SLC5A11: variants seen among roughly 807,000 people sequenced by gnomAD.
The protein encoded by SLC5A11 is solute carrier family 5 member 11.
Under a neutral mutation model 69.8 loss-of-function variants are expected in SLC5A11, and 48 were observed. The ratio of observed to expected loss-of-function variants is 0.69; its 90% CI spans 0.55 to 0.87. SLC5A11 has a LOEUF of 0.87. Ranked by LOEUF, SLC5A11 falls within the 40% of genes least tolerant of loss-of-function variation. The pLI is 0.00. For synonymous variants in SLC5A11, 319 were observed against 342.4 expected, an observed-to-expected ratio of 0.93 and a Z score of 0.75; for missense variants, 784 against 866.1, an observed-to-expected ratio of 0.91 and a Z score of 1.19.
rs1597220800 is a variant in SLC5A11 at position 24,893,115 on chromosome 16, A to G, written c.870+2041A>G. ...GCAAAACCCTGTCTCTACTAAAAAT[A>G]CAAAAAAAAAAAAAAAAAAAAAAAA... On this transcript the variant is annotated intron_variant, in intron 9 of 15. Coordinates refer to ENST00000347898, the Ensembl canonical transcript of SLC5A11. Among the ~76,000 whole-genome samples the G allele has an allele frequency of 2.9e-5, 3 of 104,704 alleles. No homozygotes were observed. In the South Asian group the frequency reaches 8.9e-4, roughly 31 times the overall value. 68.7% of individuals were successfully genotyped at this position (104,704 alleles called of 152,430 possible).
chr16:24,861,669 AAAGGAAGG>A (rs149331037), intron 2 of SLC5A11, among the ~76,000 whole-genome samples: 6 of 145,658 alleles, frequency 4.1e-5, no homozygotes, highest in South Asian at 2.3e-4. Flanking sequence ...AAAAAGAAAG[AAAGGAAGG>A]AAGGGAGGGA....
intron 1 of SLC5A11, among the ~76,000 whole-genome samples, chr16:24,847,630 A>G (rs1381479883): frequency 6.6e-6 from 1 of 152,188 alleles, no homozygotes; most frequent in East Asian, 1.9e-4. Context: ...TGCTGGGATT[A>G]CAGGCATGAG....
At chr16:24,881,377 C>G (rs2048034134) in intron 7 of SLC5A11, among the ~76,000 whole-genome samples, 2 of 152,196 alleles carry the variant, frequency 1.3e-5, no homozygotes, top group Middle Eastern at 3.4e-3. Context: ...ACCTCCATCT[C>G]CCAGGTTCAA....
intron 3 of SLC5A11, among the ~76,000 whole-genome samples, chr16:24,868,874 C>CTT (rs112705793): frequency 3.7e-5 from 5 of 136,912 alleles, no homozygotes; most frequent in South Asian, 2.4e-4. Context: ...CTGGATCTGC[C>CTT]TTTTTTTTTT....
At chr16:24,893,149 G>A (rs2048930405) in intron 9 of SLC5A11, among the ~76,000 whole-genome samples, 2 of 147,104 alleles carry the variant, frequency 1.4e-5, no homozygotes, top group East Asian at 2.0e-4. Flanking sequence ...AAAGCCAGGT[G>A]TGGTGGCAGG....
At chr16:24,895,657 G>A (rs1018330459) in intron 9 of SLC5A11, among the ~76,000 whole-genome samples, 7 of 151,970 alleles carry the variant, frequency 4.6e-5, no homozygotes, top group African/African-American at 1.5e-4. Flanking sequence ...GCTTGTGACC[G>A]GAGCTTTTTT....
intron 3 of SLC5A11, 74 bp from the exon 5 acceptor site, chr16:24,869,827 T>G: frequency 9.6e-7 from 1 of 1,045,212 alleles, no homozygotes; most frequent in Non-Finnish European, 1.5e-6. Flanking sequence ...CTTTGGAGCA[T>G]GGAAATAATT....
At position 24,861,726 on chromosome 16, in the gene SLC5A11, GAAGAAAGAAAAAGA is replaced by G. The variant is rs977602463; in HGVS notation, c.136-859_136-846del. On this transcript the variant is annotated intron_variant, in intron 2 of 15. Transcript: ENST00000347898. ...GGAAAAGGAAGGGAAGGGGCAGGCAGAAGAAAGAAAAAGAAAGAAAGAAAAAGAAGGAAAGAAAG... is the reference window on the plus strand; with the variant it reads ...GGAAAAGGAAGGGAAGGGGCAGGCAGAAGAAAGAAAAAGAAGGAAAGAAAG... 1.2e-4 allele frequency among the ~76,000 whole-genome samples: 13 copies of G among 110,948 alleles called. No homozygotes were observed. The East Asian group carries it at 2.3e-3, about 19-fold the overall frequency. The allele number at this position is 110,948 out of a possible 152,430, so 72.8% of individuals were successfully genotyped here.
chr16:24,857,465 T>A (rs1402663714), intron 1 of SLC5A11, among the ~76,000 whole-genome samples: 3 of 152,206 alleles, frequency 2.0e-5, no homozygotes, highest in African/African-American at 7.2e-5. Flanking sequence ...GGTTAGAAGT[T>A]CTAAATGGGT....
chr16:24,873,319 C>T (rs1170835269), intron 5 of SLC5A11, among the ~76,000 whole-genome samples: 1 of 147,840 alleles, frequency 6.8e-6, no homozygotes, highest in African/African-American at 2.5e-5. Flanking sequence ...ATATAATGTA[C>T]CCTGCAAGCC....
intron 10 of SLC5A11, among the ~76,000 whole-genome samples, chr16:24,903,122 G>C (rs759799521): frequency 6.6e-5 from 10 of 151,724 alleles, no homozygotes; most frequent in Non-Finnish European, 1.3e-4. Context: ...CTGGGAACTT[G>C]TTAGAAGTGC....
At chr16:24,875,338 C>G (rs8051408) in intron 5 of SLC5A11, among the ~76,000 whole-genome samples, 1 of 151,888 alleles carries the variant, frequency 6.6e-6, no homozygotes, top group African/African-American at 2.4e-5. Context: ...GCGCCTGTCA[C>G]CACGCATGAC....
At position 24,889,442 on chromosome 16, in the gene SLC5A11, A is replaced by G. The variant is rs190937132; in HGVS notation, c.665-1427A>G. The stretch of plus-strand genomic sequence containing the variant: ...GGTTACAGTGAGCTATGATTGTAGC[A>G]CTACACTCCAGCCTGGGTGACAGAG... On this transcript the variant is annotated intron_variant, in intron 8 of 15. Coordinates refer to ENST00000347898, the Ensembl canonical transcript of SLC5A11. Among the ~76,000 whole-genome samples the G allele has an allele frequency of 2.6e-5, 4 of 152,092 alleles. No homozygotes were observed. In the East Asian group the frequency reaches 7.7e-4, roughly 29 times the overall value.
At chr16:24,895,754 G>A (rs1241138472) in intron 9 of SLC5A11, among the ~76,000 whole-genome samples, 3 of 152,128 alleles carry the variant, frequency 2.0e-5, no homozygotes, top group Admixed American at 1.3e-4. Flanking sequence ...TTGTGTCACT[G>A]CTAATGCAGT....
At position 24,881,272 on chromosome 16, in the gene SLC5A11, TTTGA is replaced by T. The variant is rs897819147; in HGVS notation, c.584-2775_584-2772del. ...TCATTGTGGTAGTGATTTGTTTTTG[TTTGA>T]TTGTTTGTTTGTTTGTTTTTCTTTT... On this transcript the variant is annotated intron_variant, in intron 7 of 15. Coordinates refer to ENST00000347898, the Ensembl canonical transcript of SLC5A11. Among the ~76,000 whole-genome samples, 361 of 151,970 alleles carry T rather than the reference TTTGA, an allele frequency of 2.4e-3. 4 individuals carry two copies. Among genetic ancestry groups the T allele is most frequent in the African/African-American group, 8.3e-3 (343 of 41,494 alleles).
At chr16:24,901,298 A>T (rs565981319) in intron 10 of SLC5A11, among the ~76,000 whole-genome samples, 3 of 152,162 alleles carry the variant, frequency 2.0e-5, no homozygotes, top group African/African-American at 7.2e-5. Context: ...CATCTTACAG[A>T]TGAGGAAATT....
intron 10 of SLC5A11, among the ~76,000 whole-genome samples, chr16:24,902,967 CAAGCAAGAG>C (rs2049756584): frequency 6.6e-6 from 1 of 152,152 alleles, no homozygotes; most frequent in Non-Finnish European, 1.5e-5. Flanking sequence ...TCATATGATA[CAAGCAAGAG>C]GTGCAAAATA....
chr16:24,904,407 G>T (rs2049866348), intron 10 of SLC5A11, among the ~76,000 whole-genome samples: 1 of 152,132 alleles, frequency 6.6e-6, no homozygotes, highest in Non-Finnish European at 1.5e-5. Context: ...ATCTTCACCA[G>T]CATTTATTAT....
chr16:24,890,735 T>G, intron 8 of SLC5A11, 134 bp from the exon 10 acceptor site: 1 of 771,996 alleles, frequency 1.3e-6, no homozygotes, highest in Non-Finnish European at 2.2e-6. Flanking sequence ...GGGAGGAGGT[T>G]AAGAACCCTT....
Sources: allele counts gnomAD v4.1 joint callset (sites outside exome capture counted in the v4.1 genomes callset), GRCh38; gene constraint gnomAD v4.1.1; transcripts MANE v1.5; gene names NCBI Gene and HGNC (gene_info 2026-07-23, HGNC 2026-07-21).